RNF39: variants seen among roughly 807,000 people sequenced by gnomAD.
RNF39 encodes the protein LTP (long-term potentiation) induced RING finger protein.
Under a neutral mutation model 29.2 loss-of-function variants are expected in RNF39, and 25 were observed. The observed-to-expected ratio is 0.86, with a 90% CI of 0.62 to 1.20. The LOEUF (loss-of-function observed/expected upper bound fraction) is 1.20, where lower values mean the gene tolerates loss of function less well. Ranked by LOEUF, RNF39 falls within the 50% of genes most tolerant of loss-of-function variation. The pLI, the probability that RNF39 is intolerant of heterozygous loss-of-function variation, is 0.00. For missense variants in RNF39, 519 were observed against 515.0 expected (o/e 1.01, Z -0.08); for synonymous variants, 219 against 229.0 (o/e 0.96, Z 0.40).
In RNF39 at chr6:30,070,828, G is replaced by C; in HGVS notation, c.*283C>G. 3 of 666,340 alleles carry C rather than the reference G, an allele frequency of 4.5e-6. No individual in the cohort carries two copies. The highest frequency in any genetic ancestry group is 8.3e-6 in the Non-Finnish European group (3 of 362,144). The allele number at this position is 666,340 out of a possible 1,614,324, so 41.3% of individuals were successfully genotyped here. On this transcript the variant is annotated 3_prime_UTR_variant, in exon 4 of 4. Coordinates refer to ENST00000244360, the MANE Select transcript of RNF39 (RefSeq NM_025236.4). The stretch of plus-strand genomic sequence containing the variant: ...GGGGAGGGCCTGTTCCCCATTGCAG[G>C]CCTAGAATGGTTTGAATGGGAGAAG...
At position 30,075,406 on chromosome 6, in the gene RNF39, G is replaced by A. The variant is rs544580289; in HGVS notation, c.180C>T (p.Pro60=). The A allele has an allele frequency of 7.7e-5, 120 of 1,559,920 alleles. No homozygotes were observed. The African/African-American group carries it at 1.4e-3, about 19-fold the overall frequency. ...GCAGGCCGCAGCAGGGACAGGCGGT[G>A]GGGGAAGCCTCGGTGCCGGTCGCCG... is the stretch of plus-strand genomic sequence containing the variant. ...TPPATGTEAS[P]TACPCCGLPC... is the part of the protein sequence containing the mutation. Residue 60 remains proline (P), a synonymous_variant, in exon 1 of 4, where the codon CCC becomes CCT. Transcript: ENST00000244360.
In RNF39 at chr6:30,072,304, T is replaced by C. The variant is rs1766055379; in HGVS notation, c.479-613A>G. ...TAGCCAGAGACCAGAAAAAGAACCATTGGCCTTATATGTATGGGGTGCTTT... is the reference window on the plus strand; with the variant it reads ...TAGCCAGAGACCAGAAAAAGAACCACTGGCCTTATATGTATGGGGTGCTTT... On this transcript the variant is annotated intron_variant, in intron 3 of 3. Coordinates refer to ENST00000244360, the MANE Select transcript of RNF39 (RefSeq NM_025236.4). This position sits in a 1 kb window ranked among gnomAD's most constrained non-coding sequence, Gnocchi z 4.5. Among the ~76,000 whole-genome samples the C allele has an allele frequency of 1.3e-5, 2 of 152,098 alleles. No individual in the cohort carries two copies. The highest frequency in any genetic ancestry group is 2.1e-4 in the South Asian group (1 of 4,806).
In RNF39 at chr6:30,070,935, C is replaced by G; in HGVS notation, c.*176G>C. On this transcript the variant is annotated 3_prime_UTR_variant, in exon 4 of 4. Coordinates refer to ENST00000244360, the MANE Select transcript of RNF39 (RefSeq NM_025236.4). The stretch of plus-strand genomic sequence containing the variant: ...GAATGGATTTGGTTTTGAGCAGGGA[C>G]GTGGAAACGTGGAGACCAGGTGAGG... 1 of 718,546 alleles carries G rather than the reference C, an allele frequency of 1.4e-6. No homozygotes were observed. Among genetic ancestry groups the G allele is most frequent in the Non-Finnish European group, 2.5e-6 (1 of 397,084 alleles). The allele number at this position is 718,546 out of a possible 1,614,324, so 44.5% of individuals were successfully genotyped here. A position where few individuals can be genotyped will look rare whatever the true frequency, so the allele number is the denominator to read the frequency against.
chr6:30,075,347 C>A lies in RNF39; in HGVS notation c.239G>T (p.Arg80Leu). Reference protein sequence around the residue: ...CPRRSLRSNVRLAVEVRISRE... With the variant: ...CPRRSLRSNVLLAVEVRISRE... ...GCTGATTCGCACCTCCACCGCCAGC[C>A]GCACATTAGACCTCAGGCTGCGGCG... The change falls in exon 1 of 4, where the codon CGG becomes CTG. Residue 80 changes from arginine (R) to leucine (L), a missense_variant. Physicochemically the swap from Arg to Leu is moderately radical, Grantham distance 102. Transcript: ENST00000244360. 1 of 1,592,242 alleles carries A rather than the reference C, an allele frequency of 6.3e-7. No homozygotes were observed. The highest frequency in any genetic ancestry group is 1.1e-5 in the South Asian group (1 of 88,394).
chr6:30,070,892 C>T lies in RNF39; in HGVS notation c.*219G>A, dbSNP rs1462230871. The stretch of plus-strand genomic sequence containing the variant: ...TAGTAGCTGTAGGGGAGAGAAGATT[C>T]TGAGAGCCAGAAGGCAGGAATGGAT... On this transcript the variant is annotated 3_prime_UTR_variant, in exon 4 of 4. Coordinates refer to ENST00000244360, the MANE Select transcript of RNF39 (RefSeq NM_025236.4). 2.8e-6 allele frequency: 2 copies of T among 702,060 alleles called. No homozygotes were observed. The highest frequency in any genetic ancestry group is 5.2e-6 in the Non-Finnish European group (2 of 384,986). 43.5% of individuals were successfully genotyped at this position (702,060 alleles called of 1,614,324 possible). A position where few individuals can be genotyped will look rare whatever the true frequency, so the allele number is the denominator to read the frequency against.
Position 30,074,817 on chromosome 6 carries a change from C to G in RNF39, c.363+406G>C, listed in dbSNP as rs1177306618. On this transcript the variant is annotated intron_variant, in intron 1 of 3. Coordinates refer to ENST00000244360, the MANE Select transcript of RNF39 (RefSeq NM_025236.4). This position sits in a 1 kb window ranked among gnomAD's most constrained non-coding sequence, Gnocchi z 4.1. The stretch of plus-strand genomic sequence containing the variant: ...TGGGTCGGCTCTCCCTTCCGCCCGC[C>G]GCTCCCTCCCCTCCGCCAGCTCTCC... Among the ~76,000 whole-genome samples the G allele has an allele frequency of 6.6e-6, 1 of 152,018 alleles. No individual in the cohort carries two copies. Among genetic ancestry groups the G allele is most frequent in the Non-Finnish European group, 1.5e-5 (1 of 68,020 alleles).
In RNF39 at chr6:30,075,391, G is replaced by T. The variant is rs1392447053; in HGVS notation, c.195C>A (p.Cys65Ter). 7.0e-6 allele frequency: 11 copies of T among 1,566,120 alleles called. No homozygotes were observed. The highest frequency in any genetic ancestry group is 9.5e-6 in the Non-Finnish European group (11 of 1,159,316). The change falls in exon 1 of 4, where the codon TGC (cysteine) becomes TGA (stop). Residue 65 changes from cysteine (C) to a stop codon, truncating the protein, a stop_gained. Transcript: ENST00000244360. LOFTEE classifies it high-confidence loss of function. ...TGCGGCGGGGACACGGCAGGCCGCA[G>T]CAGGGACAGGCGGTGGGGGAAGCCT... ...GTEASPTACP[C>*]CGLPCPRRSL...
At position 30,071,646 on chromosome 6, in the gene RNF39, A is replaced by T; in HGVS notation, c.524T>A (p.Ile175Asn). 1.4e-6 allele frequency: 2 copies of T among 1,431,798 alleles called. No individual in the cohort carries two copies. The highest frequency in any genetic ancestry group is 2.9e-5 in the South Asian group (2 of 69,634). The allele number at this position is 1,431,798 out of a possible 1,614,324, so 88.7% of individuals were successfully genotyped here. ...DPGTAHRRLLISADRRSVQLA... is the reference protein window; with the variant it reads ...DPGTAHRRLLNSADRRSVQLA... ...TTGTACGCTGCGGCGGTCGGCGGAG[A>T]TGAGCAGGCGGCGGTGTGCGGTCCC... The change falls in exon 4 of 4, where the codon ATC becomes AAC. Residue 175 changes from isoleucine to asparagine, a missense_variant. Transcript: ENST00000244360. This position sits in a 1 kb window ranked among gnomAD's most constrained non-coding sequence, Gnocchi z 5.0.
In RNF39 at chr6:30,075,700, C is replaced by G; in HGVS notation, c.-115G>C. ...TGTAGATGCCCTTCTCTCCGACTCCCGCATTAACTTTTGCCGCTTTCCGCC... is the reference window on the plus strand; with the variant it reads ...TGTAGATGCCCTTCTCTCCGACTCCGGCATTAACTTTTGCCGCTTTCCGCC... On this transcript the variant is annotated 5_prime_UTR_variant, in exon 1 of 4. Coordinates refer to ENST00000244360, the MANE Select transcript of RNF39 (RefSeq NM_025236.4). The G allele has an allele frequency of 6.2e-7, 1 of 1,613,900 alleles. No individual in the cohort carries two copies. Among genetic ancestry groups the G allele is most frequent in the South Asian group, 1.1e-5 (1 of 91,072 alleles).
At position 30,070,890 on chromosome 6, in the gene RNF39, T is replaced by A; in HGVS notation, c.*221A>T. 1 of 701,566 alleles carries A rather than the reference T, an allele frequency of 1.4e-6. No individual in the cohort carries two copies. The highest frequency in any genetic ancestry group is 1.5e-5 in the South Asian group (1 of 66,754). 43.5% of individuals were successfully genotyped at this position (701,566 alleles called of 1,614,324 possible). A position where few individuals can be genotyped will look rare whatever the true frequency, so the allele number is the denominator to read the frequency against. ...TGTAGTAGCTGTAGGGGAGAGAAGA[T>A]TCTGAGAGCCAGAAGGCAGGAATGG... On this transcript the variant is annotated 3_prime_UTR_variant, in exon 4 of 4. Transcript: ENST00000244360.
Position 30,071,311 on chromosome 6 carries a change from G to A in RNF39, c.859C>T (p.Leu287=). ...WALTAPEPTL[L]GGVEPPPRRI... is the part of the protein sequence containing the mutation. ...CGCGGCGGGGGCTCAACACCGCCCAGCAGGGTGGGTTCGGGTGCCGTGAGG... is the reference window on the plus strand; with the variant it reads ...CGCGGCGGGGGCTCAACACCGCCCAACAGGGTGGGTTCGGGTGCCGTGAGG... Residue 287 remains leucine (L), a synonymous_variant, in exon 4 of 4, where the codon CTG becomes TTG. Coordinates refer to ENST00000244360, the MANE Select transcript of RNF39 (RefSeq NM_025236.4). The surrounding 1 kb of genome is among the most constrained non-coding windows in gnomAD (Gnocchi z 5.0). 6.7e-7 allele frequency: 1 copy of A among 1,491,642 alleles called. No homozygotes were observed. Among genetic ancestry groups the A allele is most frequent in the South Asian group, 1.4e-5 (1 of 72,360 alleles). 92.4% of individuals were successfully genotyped at this position (1,491,642 alleles called of 1,614,324 possible). A position where few individuals can be genotyped will look rare whatever the true frequency, so the allele number is the denominator to read the frequency against.
Position 30,075,261 on chromosome 6 carries a change from G to A in RNF39, c.325C>T (p.Arg109Cys), listed in dbSNP as rs1766317612. The stretch of plus-strand genomic sequence containing the variant: ...TCCAGGCAGCCCATGGTGGGGATGC[G>A]CCCCCCTCGGCGTCTCCCCGCACGG... ...GARAGRRRGGRIPTMGCLDLP... is the reference protein window; with the variant it reads ...GARAGRRRGGCIPTMGCLDLP... The change falls in exon 1 of 4, where the codon CGC becomes TGC. Residue 109 changes from arginine to cysteine, a missense_variant. Arg to Cys is a radical substitution (Grantham distance 180). Transcript: ENST00000244360. The A allele has an allele frequency of 1.3e-5, 21 of 1,597,568 alleles. No individual in the cohort carries two copies. Among genetic ancestry groups the A allele is most frequent in the Non-Finnish European group, 1.7e-5 (20 of 1,176,390 alleles).
chr6:30,073,090 G>T, intron 3 of RNF39, 67 bp downstream of exon 3: 2 of 1,156,572 alleles, frequency 1.7e-6, no homozygotes, highest in Non-Finnish European at 2.6e-6. Context: ...ACTTTTTAGG[G>T]CTAAAAGGAA....
rs1293102702 is a variant in RNF39, at chr6:30,070,477, C to T, written c.*634G>A. 5 of 243,984 alleles carry T rather than the reference C, an allele frequency of 2.0e-5. No homozygotes were observed. The highest frequency in any genetic ancestry group is 9.9e-5 in the East Asian group (1 of 10,080). 15.1% of individuals were successfully genotyped at this position (243,984 alleles called of 1,614,324 possible). On this transcript the variant is annotated 3_prime_UTR_variant, in exon 4 of 4. Coordinates refer to ENST00000244360, the MANE Select transcript of RNF39 (RefSeq NM_025236.4). The stretch of plus-strand genomic sequence containing the variant: ...ATTGGTTCCTTTCCGTGAGTATGTG[C>T]GGGGAGAAGTTTCAAGAAGGTTCTT...
rs1180529457 is a variant in RNF39 at position 30,073,442 on chromosome 6, A to G, written c.386+14T>C. On this transcript the variant is annotated intron_variant, in intron 2 of 3. Coordinates refer to ENST00000244360, the MANE Select transcript of RNF39 (RefSeq NM_025236.4). ...GCTGGTGAGAAAAGGAGGGAACAGA[A>G]AAGTGGAACTCACCGTCTCCATGTC... The G allele has an allele frequency of 6.8e-6, 11 of 1,614,018 alleles. No individual in the cohort carries two copies. The East Asian group carries it at 8.9e-5, about 13-fold the overall frequency.
chr6:30,070,836 T>C lies in RNF39; in HGVS notation c.*275A>G. On this transcript the variant is annotated 3_prime_UTR_variant, in exon 4 of 4. Transcript: ENST00000244360. ...CCTGTTCCCCATTGCAGGCCTAGAA[T>C]GGTTTGAATGGGAGAAGTCAGGAAG... 1.5e-6 allele frequency: 1 copy of C among 669,152 alleles called. No homozygotes were observed. The highest frequency in any genetic ancestry group is 2.7e-6 in the Non-Finnish European group (1 of 363,932). The allele number at this position is 669,152 out of a possible 1,614,324, so 41.5% of individuals were successfully genotyped here.
In RNF39 at chr6:30,074,755, G is replaced by C. The variant is rs950467267; in HGVS notation, c.363+468C>G. ...GCTCCTCTAAGCAGGTTCTGCCCTC[G>C]CCCACCATCCTCCCAGGACCCCTCC... is the stretch of plus-strand genomic sequence containing the variant. On this transcript the variant is annotated intron_variant, in intron 1 of 3. Transcript: ENST00000244360. The surrounding 1 kb of genome is among the most constrained non-coding windows in gnomAD (Gnocchi z 4.1). Among the ~76,000 whole-genome samples, 1 of 150,122 alleles carries C rather than the reference G, an allele frequency of 6.7e-6. No individual in the cohort carries two copies. The highest frequency in any genetic ancestry group is 1.5e-5 in the Non-Finnish European group (1 of 67,526).
Position 30,070,571 on chromosome 6 carries a change from C to G in RNF39, c.*540G>C. 1 of 273,336 alleles carries G rather than the reference C, an allele frequency of 3.7e-6. No homozygotes were observed. The highest frequency in any genetic ancestry group is 1.4e-3 in the Middle Eastern group (1 of 720). 16.9% of individuals were successfully genotyped at this position (273,336 alleles called of 1,614,324 possible). A position where few individuals can be genotyped will look rare whatever the true frequency, so the allele number is the denominator to read the frequency against. On this transcript the variant is annotated 3_prime_UTR_variant, in exon 4 of 4. Coordinates refer to ENST00000244360, the MANE Select transcript of RNF39 (RefSeq NM_025236.4). ...GGGGAACTAGCTTGTCCCTCCCCACCCCCAGATCCTGCAAAAGAGGTACAA... is the reference window on the plus strand; with the variant it reads ...GGGGAACTAGCTTGTCCCTCCCCACGCCCAGATCCTGCAAAAGAGGTACAA...
chr6:30,071,430 G>T lies in RNF39; in HGVS notation c.740C>A (p.Ala247Glu). 6.6e-7 allele frequency: 1 copy of T among 1,506,368 alleles called. No homozygotes were observed. The highest frequency in any genetic ancestry group is 8.8e-7 in the Non-Finnish European group (1 of 1,137,186). The allele number at this position is 1,506,368 out of a possible 1,614,324, so 93.3% of individuals were successfully genotyped here. A position where few individuals can be genotyped will look rare whatever the true frequency, so the allele number is the denominator to read the frequency against. Reference protein sequence around the residue: ...DDEESHYAVGAAGESVQRKGC... With the variant: ...DDEESHYAVGEAGESVQRKGC... ...CTTGCGTTGCACTGATTCCCCGGCC[G>T]CGCCCACTGCATAGTGGCTCTCCTC... is the stretch of plus-strand genomic sequence containing the variant. Residue 247 changes from alanine (A) to glutamate (E), a missense_variant, in exon 4 of 4, where the codon GCG becomes GAG. Coordinates refer to ENST00000244360, the MANE Select transcript of RNF39 (RefSeq NM_025236.4). The surrounding 1 kb of genome is among the most constrained non-coding windows in gnomAD (Gnocchi z 5.0).
Sources: allele counts gnomAD v4.1 joint callset (sites outside exome capture counted in the v4.1 genomes callset), GRCh38; gene constraint gnomAD v4.1.1; non-coding constraint Gnocchi (gnomAD v3.1); transcripts MANE v1.5; gene names NCBI Gene and HGNC (gene_info 2026-07-23, HGNC 2026-07-21).